The following EPB41L1 variants were observed in gnomAD, a reference collection of about 807,000 sequenced individuals.
The protein encoded by EPB41L1 is erythrocyte membrane protein band 4.1 like 1, also known as band 4.1-like protein 1.
EPB41L1 carries 29 observed loss-of-function variants against 97.8 expected under a neutral mutation model. The ratio of observed to expected loss-of-function variants is 0.30; its 90% CI spans 0.22 to 0.40. The LOEUF (loss-of-function observed/expected upper bound fraction) is 0.40. EPB41L1 is among the 10% of genes least tolerant of loss of function. EPB41L1 has a pLI of 1.00. For missense variants in EPB41L1, 812 were observed against 1,162.3 expected, an observed-to-expected ratio of 0.70 and a Z score of 4.38; for synonymous variants, 383 against 459.2, an observed-to-expected ratio of 0.83 and a Z score of 2.12.
chr20:36,152,784 G>A (rs138003256), upstream of EPB41L1: 1,531 of 345,416 alleles, frequency 4.4e-3, 28 homozygotes, highest in African/African-American at 0.03. Context: ...CCAAGGCCAC[G>A]GCCCCAGGGG....
At chr20:36,146,316 C>T (rs779975304) in intron 2 of EPB41L1, among the ~76,000 whole-genome samples, 4 of 152,218 alleles carry the variant, frequency 2.6e-5, no homozygotes, top group Non-Finnish European at 4.4e-5. Context: ...ATACAGAGAT[C>T]GGTACCATAA....
chr20:36,194,768 T>A (rs2062112894), intron 12 of EPB41L1, among the ~76,000 whole-genome samples: 1 of 152,102 alleles, frequency 6.6e-6, no homozygotes, highest in South Asian at 2.1e-4. Flanking sequence ...CCCTTCCTAT[T>A]TCCCCATGCC....
At position 36,220,422 on chromosome 20, in the gene EPB41L1, G is replaced by C. The variant is rs11907629; in HGVS notation, c.2439+578G>C. ...TGGGACATGAGAAGCACATGTAGGG[G>C]GTGTAACTGGGAAATTAGGTTGCAC... On this transcript the variant is annotated intron_variant, in intron 19 of 21. Transcript: ENST00000338074. 2.1e-3 allele frequency among the ~76,000 whole-genome samples: 324 copies of C among 152,298 alleles called. 2 individuals carry two copies. The highest frequency in any genetic ancestry group is 7.5e-3 in the African/African-American group (311 of 41,566).
chr20:36,222,160 T>C, intron 20 of EPB41L1, 118 bp from the exon 21 acceptor site: 1 of 1,049,866 alleles, frequency 9.5e-7, no homozygotes, highest in Non-Finnish European at 1.5e-6. Flanking sequence ...GTTGTTTGAC[T>C]TTGCCCCTCT....
chr20:36,105,575 G>A (rs912632501), intron 1 of EPB41L1, among the ~76,000 whole-genome samples: 1 of 152,142 alleles, frequency 6.6e-6, no homozygotes, highest in African/African-American at 2.4e-5. Context: ...TGATTTCATG[G>A]AACTTATGCC....
At position 36,206,504 on chromosome 20, in the gene EPB41L1, A is replaced by AC; in HGVS notation, c.1669-2982dup. 7.8e-7 allele frequency: 1 copy of AC among 1,289,840 alleles called. No homozygotes were observed. The highest frequency in any genetic ancestry group is 1.0e-6 in the Non-Finnish European group (1 of 988,880). 79.9% of individuals were successfully genotyped at this position (1,289,840 alleles called of 1,614,324 possible). A position where few individuals can be genotyped will look rare whatever the true frequency, so the allele number is the denominator to read the frequency against. ...AATTATGAAGAAAAAGACTCAGAAG[A>AC]CCAAGTCCTCCCTCCACCCCTGGAG... On this transcript the variant is annotated intron_variant, in intron 14 of 21. Transcript: ENST00000338074. The surrounding 1 kb of genome is among the most constrained non-coding windows in gnomAD (Gnocchi z 5.5).
chr20:36,153,103 A>G (rs955915816), upstream of EPB41L1: 8 of 456,736 alleles, frequency 1.8e-5, no homozygotes, highest in African/African-American at 1.0e-4. Context: ...AAGGAGGTTT[A>G]AGTTGGAGAA....
At chr20:36,163,947 C>G (rs371440155) in intron 1 of EPB41L1, among the ~76,000 whole-genome samples, 3 of 152,184 alleles carry the variant, frequency 2.0e-5, no homozygotes, top group Admixed American at 6.5e-5. Flanking sequence ...ACTTCCACCT[C>G]CCAGGTCTGC....
chr20:36,181,718 T>C (rs1214537240), intron 5 of EPB41L1, among the ~76,000 whole-genome samples: 2 of 152,130 alleles, frequency 1.3e-5, no homozygotes, highest in African/African-American at 2.4e-5. Context: ...CCTCAGAGAG[T>C]TGCAGTGCAC....
chr20:36,127,136 C>T (rs532944585), intron 2 of EPB41L1, among the ~76,000 whole-genome samples: 1 of 152,224 alleles, frequency 6.6e-6, no homozygotes, highest in Non-Finnish European at 1.5e-5. Context: ...CCCCGCCTCC[C>T]ATCTGAGATG....
intron 2 of EPB41L1, among the ~76,000 whole-genome samples, chr20:36,122,504 T>G (rs1407603876): frequency 6.6e-6 from 1 of 152,206 alleles, no homozygotes; most frequent in Non-Finnish European, 1.5e-5. Flanking sequence ...AGCTCTGGGC[T>G]TTGCTACTCA....
chr20:36,207,413 G>C lies in EPB41L1; in HGVS notation c.1669-2075G>C. The C allele has an allele frequency of 7.8e-7, 1 of 1,289,742 alleles. No individual in the cohort carries two copies. The highest frequency in any genetic ancestry group is 1.0e-6 in the Non-Finnish European group (1 of 988,850). 79.9% of individuals were successfully genotyped at this position (1,289,742 alleles called of 1,614,324 possible). A position where few individuals can be genotyped will look rare whatever the true frequency, so the allele number is the denominator to read the frequency against. On this transcript the variant is annotated intron_variant, in intron 14 of 21. Coordinates refer to ENST00000338074, the MANE Select transcript of EPB41L1 (RefSeq NM_012156.2). The surrounding 1 kb of genome is among the most constrained non-coding windows in gnomAD (Gnocchi z 4.9). ...TCTTTCCAGGCTGGGGACCAAGAGGGCTCCCTAGAAGATATTAGCAAGACC... is the reference window on the plus strand; with the variant it reads ...TCTTTCCAGGCTGGGGACCAAGAGGCCTCCCTAGAAGATATTAGCAAGACC...
At position 36,138,903 on chromosome 20, in the gene EPB41L1, TTG is replaced by T. The variant is rs1295397965; in HGVS notation, c.-10+26431_-10+26432del. ...TCCCATTTTTTTTTTCTCTCTTGCC[TTG>T]TGTGTGTTCACTCTCTCTGGAAACT... On this transcript the variant is annotated intron_variant, in intron 2 of 19. Transcript: ENST00000202028. Among the ~76,000 whole-genome samples, 5 of 151,786 alleles carry T rather than the reference TTG, an allele frequency of 3.3e-5. No individual in the cohort carries two copies. The East Asian group carries it at 9.6e-4, about 29-fold the overall frequency.
intron 2 of EPB41L1, among the ~76,000 whole-genome samples, chr20:36,136,120 A>G (rs913267438): frequency 2.0e-5 from 3 of 152,058 alleles, no homozygotes; most frequent in Admixed American, 2.0e-4. Context: ...TAGAACTTAC[A>G]AAAAAATTTT....
chr20:36,144,128 C>T (rs567384298), intron 2 of EPB41L1, among the ~76,000 whole-genome samples: 30 of 152,296 alleles, frequency 2.0e-4, no homozygotes, highest in African/African-American at 7.0e-4. Context: ...GTAAGAATTA[C>T]AGGCGTCAGC....
intron 21 of EPB41L1, among the ~76,000 whole-genome samples, chr20:36,228,945 G>A (rs865985056): frequency 6.6e-6 from 1 of 152,104 alleles, no homozygotes; most frequent in Non-Finnish European, 1.5e-5. Flanking sequence ...CAAAGTAAAA[G>A]ATTACCACCT....
Position 36,207,270 on chromosome 20 carries a change from A to G in EPB41L1, c.1669-2218A>G, listed in dbSNP as rs891473167. 7.8e-7 allele frequency: 1 copy of G among 1,277,672 alleles called. No homozygotes were observed. The allele number at this position is 1,277,672 out of a possible 1,614,324, so 79.1% of individuals were successfully genotyped here. A position where few individuals can be genotyped will look rare whatever the true frequency, so the allele number is the denominator to read the frequency against. On this transcript the variant is annotated intron_variant, in intron 14 of 21. Coordinates refer to ENST00000338074, the MANE Select transcript of EPB41L1 (RefSeq NM_012156.2). This position sits in a 1 kb window ranked among gnomAD's most constrained non-coding sequence, Gnocchi z 4.9. Reference sequence around the variant, plus strand: ...GGTTTGTGGTGTCCCCTGCCACAGGAGGTGAGCGCAGGCCTCCTCCCATCA... The same window carrying G: ...GGTTTGTGGTGTCCCCTGCCACAGGGGGTGAGCGCAGGCCTCCTCCCATCA...
chr20:36,157,377 A>T (rs1394656198), intron 1 of EPB41L1, among the ~76,000 whole-genome samples: 1 of 152,318 alleles, frequency 6.6e-6, no homozygotes, highest in East Asian at 1.9e-4. Flanking sequence ...TGTCAGATAG[A>T]TGTGATTAAT....
chr20:36,111,719 G>A (rs529345954), intron 1 of EPB41L1, among the ~76,000 whole-genome samples: 6 of 151,642 alleles, frequency 4.0e-5, no homozygotes, highest in East Asian at 1.9e-4. Context: ...CCTGGGATGC[G>A]GAGGTTGCAG....
Sources: allele counts gnomAD v4.1 joint callset (sites outside exome capture counted in the v4.1 genomes callset), GRCh38; gene constraint gnomAD v4.1.1; non-coding constraint Gnocchi (gnomAD v3.1); transcripts MANE v1.5; gene names NCBI Gene and HGNC (gene_info 2026-07-23, HGNC 2026-07-21).